Variants in UBXN2B observed in about 807,000 individuals in gnomAD.
The protein encoded by UBXN2B is UBX domain protein 2B.
In UBXN2B, 19 loss-of-function variants were observed where a neutral mutation model predicts 37.5. The ratio of observed to expected loss-of-function variants is 0.51; its 90% CI spans 0.35 to 0.74. UBXN2B has a LOEUF of 0.74. UBXN2B is among the 30% of genes least tolerant of loss of function. The pLI is 0.01. For missense variants in UBXN2B, 370 were observed against 393.2 expected (o/e 0.94, Z 0.50); for synonymous variants, 145 against 143.8 (o/e 1.01, Z -0.06).
intron 2 of UBXN2B, among the ~76,000 whole-genome samples, chr8:58,420,486 C>T (rs1037932056): frequency 6.6e-6 from 1 of 152,130 alleles, no homozygotes; most frequent in African/African-American, 2.4e-5. Context: ...TGATGACATC[C>T]TAAAACATAT....
chr8:58,439,486 A>G, intron 5 of UBXN2B, 147 bp from the exon 6 acceptor site: 1 of 893,962 alleles, frequency 1.1e-6, no homozygotes, highest in Non-Finnish European at 1.6e-6. Context: ...ACAAGGACTG[A>G]TCAGTCATTA....
At chr8:58,430,226 G>A (rs17261550) in intron 2 of UBXN2B, among the ~76,000 whole-genome samples, 1 of 152,114 alleles carries the variant, frequency 6.6e-6, no homozygotes, top group African/African-American at 2.4e-5. Flanking sequence ...TGAATGAGAT[G>A]TATGTGATAA....
rs2129603510 is a variant in UBXN2B at position 58,411,445 on chromosome 8, G to A, written c.60G>A (p.Arg20=). Residue 20 remains arginine (R), a synonymous_variant, in exon 1 of 8, where the codon CGG becomes CGA. Transcript: ENST00000399598. ...GEQERRSSGP[R]PPSARDLQLA... is the part of the protein sequence containing the mutation. ...AGGAGAGGAGGTCTTCCGGGCCGCG[G>A]CCTCCGAGCGCGCGGGATTTGCAGG... The A allele has an allele frequency of 2.4e-6, 3 of 1,257,678 alleles. No homozygotes were observed. The highest frequency in any genetic ancestry group is 3.1e-4 in the Middle Eastern group (1 of 3,236). The allele number at this position is 1,257,678 out of a possible 1,614,324, so 77.9% of individuals were successfully genotyped here. A position where few individuals can be genotyped will look rare whatever the true frequency, so the allele number is the denominator to read the frequency against.
At chr8:58,443,194 A>ATAG (rs1808592049) in intron 6 of UBXN2B, among the ~76,000 whole-genome samples, 1 of 152,134 alleles carries the variant, frequency 6.6e-6, no homozygotes, top group African/African-American at 2.4e-5. Context: ...CATTGAGAAA[A>ATAG]TAGAACCTGA....
At chr8:58,414,280 T>A (rs1317310402) in intron 1 of UBXN2B, among the ~76,000 whole-genome samples, 1 of 152,210 alleles carries the variant, frequency 6.6e-6, no homozygotes, top group Non-Finnish European at 1.5e-5. Context: ...GATTCATTGG[T>A]TCTAGAGTAG....
intron 6 of UBXN2B, among the ~76,000 whole-genome samples, chr8:58,442,091 A>G (rs922031414): frequency 6.6e-6 from 1 of 152,210 alleles, no homozygotes; most frequent in Non-Finnish European, 1.5e-5. Flanking sequence ...CTTAGTAACC[A>G]CAAGAGCTAC....
chr8:58,447,569 C>A lies in UBXN2B; in HGVS notation c.*18C>A. ...TAAAATAATATTGTTCCTGTCCATGCAGTAGCATGTGGGAATAGATGATGT... is the reference window on the plus strand; with the variant it reads ...TAAAATAATATTGTTCCTGTCCATGAAGTAGCATGTGGGAATAGATGATGT... On this transcript the variant is annotated 3_prime_UTR_variant, in exon 8 of 8. Transcript: ENST00000399598. 1 of 1,577,296 alleles carries A rather than the reference C, an allele frequency of 6.3e-7. No individual in the cohort carries two copies. The highest frequency in any genetic ancestry group is 8.6e-7 in the Non-Finnish European group (1 of 1,158,124).
chr8:58,434,359 ATATATATATAT>A, intron 4 of UBXN2B, 25 bp from the exon 5 acceptor site: 2 of 542,444 alleles, frequency 3.7e-6, no homozygotes, highest in Non-Finnish European at 5.1e-6. Flanking sequence ...ATATATATAT[ATATATATATAT>A]TTTTTTTTTT....
At chr8:58,434,366 TA>T (rs758621469) in intron 4 of UBXN2B, 28 bp from the exon 5 acceptor site, 7,605 of 552,424 alleles carry the variant, frequency 0.014, 32 homozygotes, top group African/African-American at 0.03. Context: ...TATATATATA[TA>T]TATTTTTTTT....
At chr8:58,440,741 A>G (rs984735249) in intron 6 of UBXN2B, among the ~76,000 whole-genome samples, 3 of 152,022 alleles carry the variant, frequency 2.0e-5, no homozygotes, top group Non-Finnish European at 4.4e-5. Context: ...CCTCGTGTAC[A>G]CTGGTTGTCT....
chr8:58,414,650 T>C (rs1251148924), intron 1 of UBXN2B, among the ~76,000 whole-genome samples: 12 of 152,134 alleles, frequency 7.9e-5, no homozygotes, highest in Admixed American at 1.3e-4. Flanking sequence ...CTATGTTAAA[T>C]AATATAAATT....
In UBXN2B at chr8:58,411,419, C is replaced by A; in HGVS notation, c.34C>A (p.Gln12Lys). 7.9e-7 allele frequency: 1 copy of A among 1,270,706 alleles called. No homozygotes were observed. Among genetic ancestry groups the A allele is most frequent in the Non-Finnish European group, 1.0e-6 (1 of 1,002,750 alleles). 78.7% of individuals were successfully genotyped at this position (1,270,706 alleles called of 1,614,324 possible). A position where few individuals can be genotyped will look rare whatever the true frequency, so the allele number is the denominator to read the frequency against. Residue 12 changes from glutamine (Q) to lysine (K), a missense_variant, in exon 1 of 8, where the codon CAG becomes AAG. Transcript: ENST00000399598. Reference protein sequence around the residue: ...AEGGGPEPGEQERRSSGPRPP... With the variant: ...AEGGGPEPGEKERRSSGPRPP... ...GGGCGGAGGCCCTGAGCCCGGCGAGCAGGAGAGGAGGTCTTCCGGGCCGCG... is the reference window on the plus strand; with the variant it reads ...GGGCGGAGGCCCTGAGCCCGGCGAGAAGGAGAGGAGGTCTTCCGGGCCGCG...
intron 3 of UBXN2B, among the ~76,000 whole-genome samples, chr8:58,431,894 A>G (rs1808284842): frequency 6.6e-6 from 1 of 152,206 alleles, no homozygotes; most frequent in African/African-American, 2.4e-5. Context: ...TATTCTTTTC[A>G]AGGAAATATC....
intron 2 of UBXN2B, chr8:58,426,559 G>C: frequency 1.3e-6 from 1 of 752,594 alleles, no homozygotes; most frequent in Non-Finnish European, 2.5e-6. Context: ...CTAACAAAAA[G>C]TGTGAAGTCT....
At chr8:58,426,361 C>A (rs565566099) in intron 2 of UBXN2B, 4 of 495,996 alleles carry the variant, frequency 8.1e-6, no homozygotes, top group African/African-American at 7.8e-5. Context: ...TGCCTGCCAC[C>A]ATGCCCGGCT....
chr8:58,447,631 C>G lies in UBXN2B; in HGVS notation c.*80C>G. ...AAGGACAATACTTCAGCATTAAAAA[C>G]AGCCAAATTATTTTTATTATTTTTA... On this transcript the variant is annotated 3_prime_UTR_variant, in exon 8 of 8. Coordinates refer to ENST00000399598, the MANE Select transcript of UBXN2B (RefSeq NM_001077619.2). 7.8e-7 allele frequency: 1 copy of G among 1,288,514 alleles called. No homozygotes were observed. The highest frequency in any genetic ancestry group is 1.0e-6 in the Non-Finnish European group (1 of 979,018). 79.8% of individuals were successfully genotyped at this position (1,288,514 alleles called of 1,614,324 possible).
intron 5 of UBXN2B, among the ~76,000 whole-genome samples, chr8:58,437,319 T>TTTC (rs1491409995): frequency 7.7e-5 from 4 of 51,908 alleles, no homozygotes; most frequent in Non-Finnish European, 3.9e-5. Context: ...AAGAAATTTC[T>TTTC]TTTTTTTTTT....
chr8:58,448,144 T>C lies in UBXN2B; in HGVS notation c.*593T>C, dbSNP rs1293776569. The C allele has an allele frequency of 1.3e-5, 2 of 152,004 alleles. No individual in the cohort carries two copies. The highest frequency in any genetic ancestry group is 4.8e-5 in the African/African-American group (2 of 41,374). 9.4% of individuals were successfully genotyped at this position (152,004 alleles called of 1,614,324 possible). On this transcript the variant is annotated 3_prime_UTR_variant, in exon 8 of 8. Transcript: ENST00000399598. ...TACAGAATTATGACTGTTGTGAACT[T>C]AAACAGAAACACATAAAGGTCAGCA...
At chr8:58,435,554 A>T (rs908085676) in intron 5 of UBXN2B, among the ~76,000 whole-genome samples, 32 of 152,178 alleles carry the variant, frequency 2.1e-4, no homozygotes, top group African/African-American at 7.5e-4. Flanking sequence ...AGCTGCGAGC[A>T]ACTAGGTGGG....
Sources: allele counts gnomAD v4.1 joint callset (sites outside exome capture counted in the v4.1 genomes callset), GRCh38; gene constraint gnomAD v4.1.1; transcripts MANE v1.5; gene names NCBI Gene and HGNC (gene_info 2026-07-23, HGNC 2026-07-21).